AGBL4: variants seen among roughly 807,000 people sequenced by gnomAD.
AGBL4 encodes cytosolic carboxypeptidase 6.
A neutral mutation model predicts 66.4 loss-of-function variants in AGBL4; 58 were observed. That is an observed-to-expected ratio of 0.87 (90% CI 0.71 to 1.09). The LOEUF is 1.09. AGBL4 is among the 50% of genes least tolerant of loss of function. The pLI is 0.00. For missense variants in AGBL4, 579 were observed against 631.0 expected (o/e 0.92, Z 0.88); for synonymous variants, 234 against 222.9 (o/e 1.05, Z -0.44).
intron 3 of AGBL4, among the ~76,000 whole-genome samples, chr1:49,424,463 A>C (rs1378889460): frequency 1.3e-5 from 2 of 152,226 alleles, no homozygotes; most frequent in African/African-American, 4.8e-5. Context: ...TTTCACTGGG[A>C]AAGTAAGAAA....
chr1:48,700,931 C>G (rs1257664408), intron 6 of AGBL4, among the ~76,000 whole-genome samples: 1 of 152,164 alleles, frequency 6.6e-6, no homozygotes, highest in African/African-American at 2.4e-5. Context: ...TTCCCTTCTC[C>G]TCCCACCCCA....
At chr1:48,712,047 A>G (rs12745458) in intron 6 of AGBL4, among the ~76,000 whole-genome samples, 4 of 150,648 alleles carry the variant, frequency 2.7e-5, no homozygotes, top group Non-Finnish European at 5.9e-5. Flanking sequence ...CATCTGTGCT[A>G]CTCCCTCCTC....
intron 11 of AGBL4, among the ~76,000 whole-genome samples, chr1:48,541,889 C>T (rs867691419): frequency 6.6e-6 from 1 of 152,066 alleles, no homozygotes; most frequent in African/African-American, 2.4e-5. Context: ...ATGTGCAGAA[C>T]GTGCAGGTTT....
chr1:49,528,575 G>A (rs1357420957), intron 3 of AGBL4, among the ~76,000 whole-genome samples: 1 of 152,006 alleles, frequency 6.6e-6, no homozygotes, highest in Non-Finnish European at 1.5e-5. Flanking sequence ...CTATAGGGGA[G>A]ATAAGTAAGC....
chr1:49,257,978 G>A (rs919128670), intron 3 of AGBL4, among the ~76,000 whole-genome samples: 4 of 152,156 alleles, frequency 2.6e-5, no homozygotes, highest in Non-Finnish European at 2.9e-5. Flanking sequence ...CCAGAGGAAC[G>A]ATCAGACAGC....
rs182704474 is a variant in AGBL4 at position 49,567,722 on chromosome 1, C to T, written c.282+129591G>A. On this transcript the variant is annotated intron_variant, in intron 3 of 13. Transcript: ENST00000371839. ...GCTATTTTTCCTAATGCTCTCCCTCCCTCATTCTATGAGGCCAGCATCATG... is the reference window on the plus strand; with the variant it reads ...GCTATTTTTCCTAATGCTCTCCCTCTCTCATTCTATGAGGCCAGCATCATG... Among the ~76,000 whole-genome samples the T allele has an allele frequency of 6.6e-5, 10 of 152,242 alleles. No homozygotes were observed. In the East Asian group the frequency reaches 1.9e-3, roughly 29 times the overall value.
intron 5 of AGBL4, among the ~76,000 whole-genome samples, chr1:48,924,844 T>A (rs998236705): frequency 5.3e-5 from 8 of 152,084 alleles, no homozygotes; most frequent in African/African-American, 1.9e-4. Context: ...AGTGCTATTA[T>A]CAGAAGAGGA....
At chr1:49,104,725 C>T (rs1645261942) in intron 4 of AGBL4, among the ~76,000 whole-genome samples, 1 of 152,150 alleles carries the variant, frequency 6.6e-6, no homozygotes, top group Admixed American at 6.5e-5. Context: ...ACTCCAAATG[C>T]CCTCTCCTAT....
At chr1:49,831,383 G>T (rs1391743711) in intron 2 of AGBL4, among the ~76,000 whole-genome samples, 1 of 152,110 alleles carries the variant, frequency 6.6e-6, no homozygotes, top group Non-Finnish European at 1.5e-5. Context: ...GTGAATGGGA[G>T]TTCACTTATG....
At chr1:49,922,815 G>A (rs1304480950) in intron 1 of AGBL4, among the ~76,000 whole-genome samples, 1 of 152,090 alleles carries the variant, frequency 6.6e-6, no homozygotes, top group Non-Finnish European at 1.5e-5. Context: ...AATTAGAGAT[G>A]ACACACACAA....
At chr1:49,927,070 C>T (rs1181191318) in intron 1 of AGBL4, among the ~76,000 whole-genome samples, 1 of 152,092 alleles carries the variant, frequency 6.6e-6, no homozygotes, top group Non-Finnish European at 1.5e-5. Context: ...AGTCTTTTCA[C>T]GTTTTTTCTG....
At chr1:48,799,330 C>T (rs549713028) in intron 6 of AGBL4, among the ~76,000 whole-genome samples, 119 of 152,238 alleles carry the variant, frequency 7.8e-4, no homozygotes, top group African/African-American at 2.8e-3. Flanking sequence ...CTACTGATCT[C>T]TGTGCATTGA....
chr1:49,558,720 G>A (rs993520179), intron 3 of AGBL4, among the ~76,000 whole-genome samples: 5 of 152,146 alleles, frequency 3.3e-5, no homozygotes, highest in African/African-American at 9.7e-5. Flanking sequence ...GTACCCTAGA[G>A]GGTGAGTTGC....
intron 2 of AGBL4, among the ~76,000 whole-genome samples, chr1:49,810,507 T>C (rs989062864): frequency 2.0e-5 from 3 of 152,124 alleles, no homozygotes; most frequent in African/African-American, 7.2e-5. Context: ...AAATAATTAA[T>C]TATTTTATCA....
intron 5 of AGBL4, among the ~76,000 whole-genome samples, chr1:49,014,531 C>A (rs1348415520): frequency 6.6e-6 from 1 of 152,170 alleles, no homozygotes; most frequent in Non-Finnish European, 1.5e-5. Context: ...TGAATTCCTC[C>A]CAGTGTTATT....
At chr1:49,285,113 T>C (rs1026288264) in intron 3 of AGBL4, among the ~76,000 whole-genome samples, 9 of 152,114 alleles carry the variant, frequency 5.9e-5, no homozygotes, top group East Asian at 5.8e-4. Context: ...TGACCACATA[T>C]TTGGAAGTAA....
chr1:49,398,327 C>CTCTCTT lies in AGBL4; in HGVS notation c.283-152469_283-152464dup, dbSNP rs1334232611. Among the ~76,000 whole-genome samples the CTCTCTT allele has an allele frequency of 5.0e-5, 5 of 99,378 alleles. No individual in the cohort carries two copies. The Admixed American group carries it at 5.5e-4, about 11-fold the overall frequency. 65.2% of individuals were successfully genotyped at this position (99,378 alleles called of 152,430 possible). On this transcript the variant is annotated intron_variant, in intron 3 of 13. Coordinates refer to ENST00000371839, the MANE Select transcript of AGBL4 (RefSeq NM_032785.4). Reference sequence around the variant, plus strand: ...AGTCAGTCAGTCTCTCTCTCCCTCTCTCTCTTTCTCTCTCTCTCTCTCTCT... The same window carrying CTCTCTT: ...AGTCAGTCAGTCTCTCTCTCCCTCTCTCTCTTTCTCTTTCTCTCTCTCTCTCTCTCT...
At chr1:49,865,926 G>A (rs1161259103) in intron 1 of AGBL4, 5 of 409,288 alleles carry the variant, frequency 1.2e-5, no homozygotes, top group East Asian at 7.3e-5. Context: ...TGACCTGAAG[G>A]AGCTGAAAAA....
chr1:49,549,793 G>A (rs1476874783), intron 3 of AGBL4, among the ~76,000 whole-genome samples: 1 of 152,120 alleles, frequency 6.6e-6, no homozygotes, highest in Non-Finnish European at 1.5e-5. Flanking sequence ...TATCTGTTAA[G>A]TCCATTTGTT....
Sources: allele counts gnomAD v4.1 joint callset (sites outside exome capture counted in the v4.1 genomes callset), GRCh38; gene constraint gnomAD v4.1.1; transcripts MANE v1.5; gene names NCBI Gene and HGNC (gene_info 2026-07-23, HGNC 2026-07-21).